The following PAM variants were observed in gnomAD, a reference collection of about 807,000 sequenced individuals.
PAM encodes peptidyl-glycine alpha-amidating monooxygenase.
In PAM, 72 loss-of-function variants were observed where a neutral mutation model predicts 122.1. The observed-to-expected ratio is 0.59, with a 90% CI of 0.49 to 0.72. The LOEUF (loss-of-function observed/expected upper bound fraction) is 0.72. Ranked by LOEUF, PAM falls within the 30% of genes least tolerant of loss-of-function variation. The probability of loss-of-function intolerance (pLI) is 0.00; values close to 1 mark genes in which losing one functional copy is unlikely to be tolerated. For missense variants in PAM, 1,106 were observed against 1,183.7 expected (o/e 0.93, Z 0.96); for synonymous variants, 389 against 404.4 (o/e 0.96, Z 0.46).
chr5:103,023,192 T>TC (rs1380045765), intron 23 of PAM, among the ~76,000 whole-genome samples: 1 of 152,110 alleles, frequency 6.6e-6, no homozygotes, highest in East Asian at 1.9e-4. Flanking sequence ...TTCACCTGTA[T>TC]CATCCACAGT....
At chr5:102,842,973 G>A (rs1043699304) in intron 1 of PAM, among the ~76,000 whole-genome samples, 6 of 152,184 alleles carry the variant, frequency 3.9e-5, no homozygotes, top group African/African-American at 1.4e-4. Flanking sequence ...AGGAAGAGGA[G>A]AAAAATGTGG....
chr5:103,001,901 A>G (rs1777499209), intron 16 of PAM, among the ~76,000 whole-genome samples: 1 of 152,114 alleles, frequency 6.6e-6, no homozygotes, highest in African/African-American at 2.4e-5. Flanking sequence ...GTTGCACTAC[A>G]AAATATTAAT....
At chr5:102,793,126 T>C (rs1039978899) in intron 1 of PAM, among the ~76,000 whole-genome samples, 2 of 152,224 alleles carry the variant, frequency 1.3e-5, no homozygotes, top group African/African-American at 4.8e-5. Context: ...CTTCTCTGAA[T>C]GTGTGAATTT....
At chr5:102,824,900 A>G (rs1190244668) in intron 1 of PAM, among the ~76,000 whole-genome samples, 1 of 152,228 alleles carries the variant, frequency 6.6e-6, no homozygotes, top group African/African-American at 2.4e-5. Flanking sequence ...CTAAAAACCT[A>G]TATGTAGTTC....
rs188152820 is a variant in PAM at position 102,860,227 on chromosome 5, G to A, written c.-373-5596G>A. On this transcript the variant is annotated intron_variant, in intron 1 of 25. Transcript: ENST00000438793. ...AGGTAAGGAGGCATCCGTGTGATGG[G>A]GTTGGTGACCTGGCATGGAGCATCA... is the stretch of plus-strand genomic sequence containing the variant. Among the ~76,000 whole-genome samples, 42 of 152,234 alleles carry A rather than the reference G, an allele frequency of 2.8e-4. 3 individuals carry two copies. The highest frequency in any genetic ancestry group is 9.9e-4 in the African/African-American group (41 of 41,514).
Position 102,926,685 on chromosome 5 carries a change from T to G in PAM, c.526+17T>G, listed in dbSNP as rs764103848. 2 of 1,297,296 alleles carry G rather than the reference T, an allele frequency of 1.5e-6. No homozygotes were observed. The highest frequency in any genetic ancestry group is 2.2e-6 in the Non-Finnish European group (2 of 893,246). 80.4% of individuals were successfully genotyped at this position (1,297,296 alleles called of 1,614,324 possible). A position where few individuals can be genotyped will look rare whatever the true frequency, so the allele number is the denominator to read the frequency against. On this transcript the variant is annotated intron_variant, in intron 7 of 25. Transcript: ENST00000438793. Reference sequence around the variant, plus strand: ...CTTTTAGAGGTAAGTTTTGAAGTGTTGGAACTAAGCAAAACTTCTAGTACT... The same window carrying G: ...CTTTTAGAGGTAAGTTTTGAAGTGTGGGAACTAAGCAAAACTTCTAGTACT...
chr5:102,948,232 G>A (rs1349942176), intron 8 of PAM, 146 bp from the exon 9 acceptor site: 1 of 531,498 alleles, frequency 1.9e-6, no homozygotes, highest in Non-Finnish European at 3.4e-6. Flanking sequence ...TATTTTTTAA[G>A]GAAGAAAAAT....
At chr5:102,968,346 C>T (rs1562071947) in intron 14 of PAM, among the ~76,000 whole-genome samples, 1 of 152,150 alleles carries the variant, frequency 6.6e-6, no homozygotes, top group Non-Finnish European at 1.5e-5. Context: ...TGACCGTCTC[C>T]TTCAAATCCC....
At chr5:102,913,662 C>T (rs147145299) in intron 4 of PAM, among the ~76,000 whole-genome samples, 53 of 152,074 alleles carry the variant, frequency 3.5e-4, no homozygotes, top group Admixed American at 1.1e-3. Flanking sequence ...ATAATGCCCT[C>T]ACCACTTTAA....
At chr5:103,016,966 A>C (rs1782190847) in intron 21 of PAM, among the ~76,000 whole-genome samples, 1 of 152,212 alleles carries the variant, frequency 6.6e-6, no homozygotes, top group Non-Finnish European at 1.5e-5. Context: ...TAGTTATTAA[A>C]AGGTAGAAGA....
At chr5:102,887,538 A>C (rs556583430) in intron 3 of PAM, among the ~76,000 whole-genome samples, 79 of 152,142 alleles carry the variant, frequency 5.2e-4, no homozygotes, top group African/African-American at 1.8e-3. Flanking sequence ...CACAGAGCAC[A>C]TTAGCAAGTA....
intron 1 of PAM, among the ~76,000 whole-genome samples, chr5:102,805,285 G>A (rs1042550018): frequency 6.6e-6 from 1 of 151,906 alleles, no homozygotes; most frequent in Non-Finnish European, 1.5e-5. Context: ...GGCCAGGCTG[G>A]TCTTGAACTC....
At chr5:102,901,643 A>C in intron 4 of PAM, among the ~76,000 whole-genome samples, 1 of 151,588 alleles carries the variant, frequency 6.6e-6, no homozygotes, top group East Asian at 2.0e-4. Context: ...AGTTGCATGC[A>C]GATGTTGATG....
intron 5 of PAM, among the ~76,000 whole-genome samples, chr5:102,922,270 A>G (rs1301174459): frequency 6.6e-6 from 1 of 152,142 alleles, no homozygotes; most frequent in African/African-American, 2.4e-5. Flanking sequence ...GAGGAGTGCT[A>G]TAGTTAAGGA....
At chr5:102,831,291 T>C (rs1361162436) in intron 1 of PAM, among the ~76,000 whole-genome samples, 1 of 152,176 alleles carries the variant, frequency 6.6e-6, no homozygotes, top group African/African-American at 2.4e-5. Flanking sequence ...TTTTATTATA[T>C]GCAAAGAAAG....
At chr5:102,973,052 T>C (rs1440302730) in intron 14 of PAM, among the ~76,000 whole-genome samples, 4 of 152,240 alleles carry the variant, frequency 2.6e-5, no homozygotes, top group African/African-American at 9.6e-5. Flanking sequence ...CTAATGGTCA[T>C]GAAAAGAGAT....
At chr5:102,790,033 T>G (rs921288194) in intron 1 of PAM, among the ~76,000 whole-genome samples, 1 of 152,074 alleles carries the variant, frequency 6.6e-6, no homozygotes, top group Admixed American at 6.5e-5. Context: ...AATATTTTAT[T>G]TCAGTACTTC....
At chr5:102,779,676 G>A (rs1435001774) in intron 1 of PAM, among the ~76,000 whole-genome samples, 1 of 151,566 alleles carries the variant, frequency 6.6e-6, no homozygotes, top group Non-Finnish European at 1.5e-5. Context: ...TATAAAGCAG[G>A]CAGAAAAATG....
In PAM at chr5:102,892,893, C is replaced by T. The variant is rs7716941; in HGVS notation, c.211-8463C>T. Among the ~76,000 whole-genome samples, 268 of 151,806 alleles carry T rather than the reference C, an allele frequency of 1.8e-3. 2 individuals carry two copies. Among genetic ancestry groups the T allele is most frequent in the East Asian group, 0.011 (55 of 5,114 alleles). ...ATGAATACATTAATTTTCAAATTGTCGTTTGTTATATATGTAGCAGAGTCT... is the reference window on the plus strand; with the variant it reads ...ATGAATACATTAATTTTCAAATTGTTGTTTGTTATATATGTAGCAGAGTCT... On this transcript the variant is annotated intron_variant, in intron 3 of 25. Coordinates refer to ENST00000438793, the MANE Select transcript of PAM (RefSeq NM_001177306.2).
Sources: gnomAD v4.1 joint callset for allele counts (sites outside exome capture counted in the v4.1 genomes callset) on GRCh38, gnomAD v4.1.1 for gene constraint, MANE v1.5 for transcripts, NCBI Gene and HGNC (gene_info 2026-07-23, HGNC 2026-07-21) for gene names.